The following ECT2 variants were observed in gnomAD, a reference collection of about 807,000 sequenced individuals.
The protein encoded by ECT2 is epithelial cell transforming 2.
A neutral mutation model predicts 116.9 loss-of-function variants in ECT2; 61 were observed. The ratio of observed to expected loss-of-function variants is 0.52; its 90% CI spans 0.42 to 0.65. The LOEUF (loss-of-function observed/expected upper bound fraction) is 0.65. Ranked by LOEUF, ECT2 falls within the 30% of genes least tolerant of loss-of-function variation. ECT2 has a pLI of 0.00. For synonymous variants in ECT2, 358 were observed against 346.4 expected (o/e 1.03, Z -0.37); for missense variants, 937 against 1,078.7 (o/e 0.87, Z 1.84).
chr3:172,757,415 CTTT>C (rs34169147), intron 5 of ECT2, among the ~76,000 whole-genome samples: 2 of 120,432 alleles, frequency 1.7e-5, no homozygotes. Context: ...ATACATAGTC[CTTT>C]TTTTTTTTTT....
downstream of ECT2, among the ~76,000 whole-genome samples, chr3:172,824,073 C>G (rs773457890): frequency 8.6e-5 from 13 of 152,014 alleles, no homozygotes; most frequent in African/African-American, 3.1e-4. Flanking sequence ...AAAGAACTAT[C>G]TAGCAGCAAA....
At chr3:172,757,661 C>T (rs894261194) in intron 5 of ECT2, among the ~76,000 whole-genome samples, 12 of 152,026 alleles carry the variant, frequency 7.9e-5, no homozygotes, top group Non-Finnish European at 1.2e-4. Context: ...GTGATCCACC[C>T]GCTTCGGACT....
chr3:172,759,335 C>T (rs183118669), intron 6 of ECT2, among the ~76,000 whole-genome samples: 9 of 152,198 alleles, frequency 5.9e-5, no homozygotes, highest in African/African-American at 1.4e-4. Context: ...ATATTGGCTA[C>T]GTTGGTTATT....
chr3:172,797,989 C>T (rs1037815183), intron 18 of ECT2, among the ~76,000 whole-genome samples: 1 of 152,156 alleles, frequency 6.6e-6, no homozygotes, highest in African/African-American at 2.4e-5. Flanking sequence ...CTTTCAACAT[C>T]TTTGGCAAAC....
At chr3:172,819,627 A>G (rs1248496684) in intron 24 of ECT2, among the ~76,000 whole-genome samples, 1 of 152,114 alleles carries the variant, frequency 6.6e-6, no homozygotes, top group East Asian at 1.9e-4. Flanking sequence ...ATTACAGTGG[A>G]ACAAAATTAT....
chr3:172,773,415 T>TC lies in ECT2; in HGVS notation c.1429-487dup, dbSNP rs533084860. 5.1e-3 allele frequency among the ~76,000 whole-genome samples: 781 copies of TC among 152,252 alleles called. 7 individuals carry two copies. Among genetic ancestry groups the TC allele is most frequent in the Non-Finnish European group, 5.7e-3 (388 of 68,010 alleles). ...ACTCATTGTTAGTTCTTAGTTTTTTTCTTTTACTTTTTAGATTGATACAAG... is the reference window on the plus strand; with the variant it reads ...ACTCATTGTTAGTTCTTAGTTTTTTTCCTTTTACTTTTTAGATTGATACAAG... On this transcript the variant is annotated intron_variant, in intron 13 of 24. Transcript: ENST00000392692.
At chr3:172,763,519 T>C (rs914231148) in intron 11 of ECT2, among the ~76,000 whole-genome samples, 4 of 152,178 alleles carry the variant, frequency 2.6e-5, no homozygotes, top group Admixed American at 2.0e-4. Context: ...AATGGATAGA[T>C]AGAATCAAGA....
In ECT2 at chr3:172,761,528, AAATT is replaced by A. The variant is rs1718296251; in HGVS notation, c.685-79_685-76del. The stretch of plus-strand genomic sequence containing the variant: ...GCAGATAGTGATCTAAAACTGCAAA[AAATT>A]AAGTATGTTAACTGTTTAGAACTTC... On this transcript the variant is annotated intron_variant, in intron 7 of 24. Coordinates refer to ENST00000392692, the MANE Select transcript of ECT2 (RefSeq NM_001258315.2). 3 of 949,454 alleles carry A rather than the reference AAATT, an allele frequency of 3.2e-6. No homozygotes were observed. The Admixed American group carries it at 6.7e-5, about 21-fold the overall frequency. 58.8% of individuals were successfully genotyped at this position (949,454 alleles called of 1,614,324 possible). A position where few individuals can be genotyped will look rare whatever the true frequency, so the allele number is the denominator to read the frequency against.
Position 172,802,899 on chromosome 3 carries a change from G to C in ECT2, c.2025G>C (p.Arg675=). 2 of 1,613,260 alleles carry C rather than the reference G, an allele frequency of 1.2e-6. No homozygotes were observed. Among genetic ancestry groups the C allele is most frequent in the Non-Finnish European group, 1.7e-6 (2 of 1,179,556 alleles). Residue 675 remains arginine (R), a synonymous_variant, in exon 20 of 25, where the codon CGG becomes CGC. Transcript: ENST00000392692. ...CTTCTCACCGAAGCTTAGTACAGCG[G>C]GTTGAAACAATTTCTCTAGGTGAGC... is the stretch of plus-strand genomic sequence containing the variant. ...LLSSHRSLVQ[R]VETISLGEHP...
chr3:172,761,268 AGT>A (rs1464736268), intron 7 of ECT2, among the ~76,000 whole-genome samples: 3 of 152,098 alleles, frequency 2.0e-5, no homozygotes, highest in Non-Finnish European at 4.4e-5. Flanking sequence ...CTAAGGTTTT[AGT>A]GACTTAGTCG....
At chr3:172,759,185 T>C (rs1717711634) in intron 6 of ECT2, 116 bp downstream of exon 6, 3 of 673,748 alleles carry the variant, frequency 4.5e-6, no homozygotes, top group Non-Finnish European at 7.2e-6. Context: ...GGATAACTTA[T>C]TATGGCTATA....
In ECT2 at chr3:172,820,148, G is replaced by T; in HGVS notation, c.2656G>T (p.Gly886Cys). 1 of 1,604,358 alleles carries T rather than the reference G, an allele frequency of 6.2e-7. No individual in the cohort carries two copies. ...SRLSSTSSLA[G>C]IPSPSLVSLP... Reference sequence around the variant, plus strand: ...TGAAATGTTTGTTTTGTCTTAACAGGGTATCCCTTCTCCCTCCCTTGTCAG... The same window carrying T: ...TGAAATGTTTGTTTTGTCTTAACAGTGTATCCCTTCTCCCTCCCTTGTCAG... The change falls in exon 25 of 25, where the codon GGT becomes TGT. Residue 886 changes from glycine (G) to cysteine (C), a missense_variant and splice_region_variant. By Grantham distance (159) the Gly-to-Cys change is radical. Coordinates refer to ENST00000392692, the MANE Select transcript of ECT2 (RefSeq NM_001258315.2).
At position 172,755,256 on chromosome 3, in the gene ECT2, A is replaced by G. The variant is rs376909985; in HGVS notation, c.131-39A>G. 18 of 1,487,890 alleles carry G rather than the reference A, an allele frequency of 1.2e-5. No homozygotes were observed. The African/African-American group carries it at 2.6e-4, about 21-fold the overall frequency. The allele number at this position is 1,487,890 out of a possible 1,614,324, so 92.2% of individuals were successfully genotyped here. A position where few individuals can be genotyped will look rare whatever the true frequency, so the allele number is the denominator to read the frequency against. ...ATAAGGACCTACTGATTGTGATGTT[A>G]ATACATGATAAACATTGAAACATTT... is the stretch of plus-strand genomic sequence containing the variant. On this transcript the variant is annotated intron_variant, in intron 2 of 24. Transcript: ENST00000392692.
At chr3:172,773,822 G>A (rs946904465) in intron 13 of ECT2, 81 bp from the exon 14 acceptor site, 4 of 1,358,110 alleles carry the variant, frequency 2.9e-6, no homozygotes, top group African/African-American at 2.9e-5. Context: ...TTAATATCTT[G>A]TGTCTCCTTT....
intron 12 of ECT2, among the ~76,000 whole-genome samples, chr3:172,766,869 G>T (rs57536043): frequency 0.061 from 9,349 of 152,028 alleles, 972 homozygotes; most frequent in African/African-American, 0.21. Context: ...GAACATAAAG[G>T]ACTGAAACTT....
intron 24 of ECT2, chr3:172,818,908 C>T: frequency 9.7e-7 from 1 of 1,033,660 alleles, no homozygotes; most frequent in African/African-American, 1.7e-5. Flanking sequence ...TGGGTGGGAA[C>T]TTTGGAATTC....
chr3:172,800,438 A>AT (rs1491108477), intron 18 of ECT2, among the ~76,000 whole-genome samples: 2 of 152,180 alleles, frequency 1.3e-5, no homozygotes, highest in South Asian at 2.1e-4. Context: ...ACATAATAAC[A>AT]TTTTTTTCTA....
At chr3:172,796,249 A>T (rs1371344086) in intron 18 of ECT2, among the ~76,000 whole-genome samples, 2 of 152,170 alleles carry the variant, frequency 1.3e-5, no homozygotes, top group Non-Finnish European at 2.9e-5. Flanking sequence ...TTTATAAAGG[A>T]AGGTTTATGT....
rs1722819170 is a variant in ECT2, at chr3:172,782,185, T to G, written c.1571T>G (p.Val524Gly). ...CAGGATGATCTTGAAGACCTTATAG[T>G]TAATTGGGATGAGAGCAAAAGCATT... ...KIKDDLEDLI[V>G]NWDESKSIGD... The change falls in exon 15 of 25, where the codon GTT becomes GGT. Residue 524 changes from valine (V) to glycine (G), a missense_variant. Transcript: ENST00000392692. 2.5e-6 allele frequency: 4 copies of G among 1,582,492 alleles called. No homozygotes were observed. Among genetic ancestry groups the G allele is most frequent in the Non-Finnish European group, 3.4e-6 (4 of 1,161,416 alleles).
Sources: allele counts gnomAD v4.1 joint callset (sites outside exome capture counted in the v4.1 genomes callset), GRCh38; gene constraint gnomAD v4.1.1; transcripts MANE v1.5; gene names NCBI Gene and HGNC (gene_info 2026-07-23, HGNC 2026-07-21).